ERBB4: variants seen among roughly 807,000 people sequenced by gnomAD.
The protein encoded by ERBB4 is erb-b2 receptor tyrosine kinase 4, also known as receptor tyrosine-protein kinase erbB-4.
Under a neutral mutation model 158.0 loss-of-function variants are expected in ERBB4, and 42 were observed. The ratio of observed to expected loss-of-function variants is 0.27; its 90% confidence interval spans 0.21 to 0.34. The LOEUF is 0.34. Ranked by LOEUF, ERBB4 falls within the 10% of genes least tolerant of loss-of-function variation. The pLI is 1.00. For missense variants in ERBB4, 1,333 were observed against 1,624.1 expected, an observed-to-expected ratio of 0.82 and a Z score of 3.08; for synonymous variants, 583 against 558.7, an observed-to-expected ratio of 1.04 and a Z score of -0.61.
At chr2:211,968,665 A>G (rs572694943) in intron 2 of ERBB4, among the ~76,000 whole-genome samples, 1 of 152,048 alleles carries the variant, frequency 6.6e-6, no homozygotes, top group African/African-American at 2.4e-5. Context: ...GGATAAAGTC[A>G]TAAAGTCATA....
intron 3 of ERBB4, among the ~76,000 whole-genome samples, chr2:211,939,656 T>C (rs377197308): frequency 1.3e-5 from 2 of 152,082 alleles, no homozygotes; most frequent in African/African-American, 2.4e-5. Context: ...CTCTAAAATA[T>C]AGATTTGGTG....
At chr2:211,657,460 G>A (rs2071259456) in intron 16 of ERBB4, 2 of 377,486 alleles carry the variant, frequency 5.3e-6, no homozygotes, top group African/African-American at 2.1e-5. Flanking sequence ...AGTGAGCCAA[G>A]ATCATGCCAT....
chr2:212,012,240 C>T (rs1232036009), intron 2 of ERBB4, among the ~76,000 whole-genome samples: 1 of 152,112 alleles, frequency 6.6e-6, no homozygotes, highest in Non-Finnish European at 1.5e-5. Context: ...ATATTTTAGG[C>T]TCATCCTGTA....
chr2:212,437,438 G>A (rs1209912189), intron 1 of ERBB4, among the ~76,000 whole-genome samples: 1 of 149,572 alleles, frequency 6.7e-6, no homozygotes, highest in Non-Finnish European at 1.5e-5. Flanking sequence ...CTCCTTTCCT[G>A]TACAGGAAGT....
At chr2:212,472,327 A>G (rs1484358306) in intron 1 of ERBB4, among the ~76,000 whole-genome samples, 1 of 151,854 alleles carries the variant, frequency 6.6e-6, no homozygotes, top group Non-Finnish European at 1.5e-5. Flanking sequence ...TCCATTTACA[A>G]TTAGGGAAAT....
chr2:212,085,117 A>T (rs1159114808), intron 2 of ERBB4, among the ~76,000 whole-genome samples: 1 of 151,904 alleles, frequency 6.6e-6, no homozygotes, highest in African/African-American at 2.4e-5. Context: ...TAGTTACTTT[A>T]ACTGTTCTTT....
At position 211,852,486 on chromosome 2, in the gene ERBB4, A is replaced by G. The variant is rs138468196; in HGVS notation, c.422-64327T>C. On this transcript the variant is annotated intron_variant, in intron 3 of 27. Coordinates refer to ENST00000342788, the MANE Select transcript of ERBB4 (RefSeq NM_005235.3). The stretch of plus-strand genomic sequence containing the variant: ...AGTAGGTCCTTATGCAGTATCATCA[A>G]TTGGTTCTTGGAAACTGTGACTTTT... Among the ~76,000 whole-genome samples, 104 of 151,974 alleles carry G rather than the reference A, an allele frequency of 6.8e-4. 2 individuals are homozygous for G. Among genetic ancestry groups the G allele is most frequent in the African/African-American group, 2.4e-3 (99 of 41,512 alleles).
rs2062582342 is a variant in ERBB4 at position 211,382,071 on chromosome 2, GATA to G, written c.*1541_*1543del. ...AAAGTATCAAAAGATTAGTGTGTTG[GATA>G]ATAAAATAATTGCATGAGAAGATGT... On this transcript the variant is annotated 3_prime_UTR_variant, in exon 28 of 28. Transcript: ENST00000342788. 4.4e-6 allele frequency: 1 copy of G among 229,404 alleles called. No individual in the cohort carries two copies. The highest frequency in any genetic ancestry group is 1.8e-4 in the South Asian group (1 of 5,502). The allele number at this position is 229,404 out of a possible 1,614,324, so 14.2% of individuals were successfully genotyped here. A position where few individuals can be genotyped will look rare whatever the true frequency, so the allele number is the denominator to read the frequency against.
At chr2:211,601,507 C>T (rs1359936532) in intron 19 of ERBB4, among the ~76,000 whole-genome samples, 1 of 151,842 alleles carries the variant, frequency 6.6e-6, no homozygotes, top group Non-Finnish European at 1.5e-5. Flanking sequence ...AAAAAAAGCC[C>T]CAACTTTCAT....
chr2:212,327,718 T>C (rs1312491591), intron 1 of ERBB4, among the ~76,000 whole-genome samples: 1 of 47,010 alleles, frequency 2.1e-5, no homozygotes, highest in Admixed American at 2.1e-4. Context: ...TCTTTTTTTT[T>C]TCTTTTTTTC....
chr2:211,486,234 C>T (rs1404465070), intron 20 of ERBB4, among the ~76,000 whole-genome samples: 1 of 152,052 alleles, frequency 6.6e-6, no homozygotes, highest in Non-Finnish European at 1.5e-5. Flanking sequence ...TCTTAATTAA[C>T]ACTGCTTGCT....
At chr2:211,456,667 C>A (rs968634793) in intron 20 of ERBB4, among the ~76,000 whole-genome samples, 1 of 152,012 alleles carries the variant, frequency 6.6e-6, no homozygotes, top group Non-Finnish European at 1.5e-5. Context: ...TCGTGGAAGA[C>A]AATTTTTCCA....
At chr2:212,113,645 G>A (rs1419142613) in intron 2 of ERBB4, among the ~76,000 whole-genome samples, 2 of 150,834 alleles carry the variant, frequency 1.3e-5, no homozygotes, top group East Asian at 1.9e-4. Flanking sequence ...GGATTCTCAG[G>A]TATTCGAGGC....
rs762068170 is a variant in ERBB4, at chr2:211,623,905, C to A, written c.2202+17G>T. ...AAAACAAAACTTAACTAACGATATG[C>A]GTTGTTTTTTACTTACTTTATAAAC... is the stretch of plus-strand genomic sequence containing the variant. On this transcript the variant is annotated intron_variant, in intron 18 of 27. Transcript: ENST00000342788. 1.9e-6 allele frequency: 3 copies of A among 1,613,100 alleles called. No homozygotes were observed. The highest frequency in any genetic ancestry group is 2.5e-6 in the Non-Finnish European group (3 of 1,179,254).
intron 2 of ERBB4, among the ~76,000 whole-genome samples, chr2:212,091,224 G>C (rs2078764866): frequency 6.6e-6 from 1 of 151,360 alleles, no homozygotes; most frequent in African/African-American, 2.4e-5. Flanking sequence ...AGTACAGAAA[G>C]ATATATTAAG....
At chr2:211,941,149 T>C (rs143819449) in intron 3 of ERBB4, among the ~76,000 whole-genome samples, 5,101 of 152,180 alleles carry the variant, frequency 0.034, 120 homozygotes, top group Middle Eastern at 0.088. Flanking sequence ...CCGAAGAATG[T>C]GCCACTCTTT....
intron 1 of ERBB4, among the ~76,000 whole-genome samples, chr2:212,206,750 C>G (rs896488963): frequency 1.3e-5 from 2 of 151,784 alleles, no homozygotes; most frequent in African/African-American, 4.8e-5. Flanking sequence ...CTGCGCCCAG[C>G]TAATTTTTTT....
intron 3 of ERBB4, among the ~76,000 whole-genome samples, chr2:211,937,950 G>A (rs1224648645): frequency 6.6e-6 from 1 of 152,086 alleles, no homozygotes; most frequent in Non-Finnish European, 1.5e-5. Flanking sequence ...TCATTTATCT[G>A]ACCAACAGAA....
At chr2:211,825,281 G>A (rs983211651) in intron 3 of ERBB4, among the ~76,000 whole-genome samples, 7 of 151,470 alleles carry the variant, frequency 4.6e-5, no homozygotes, top group East Asian at 1.9e-4. Flanking sequence ...GAACATATAC[G>A]TATTTCCAAA....
Sources: gnomAD v4.1 joint callset for allele counts (sites outside exome capture counted in the v4.1 genomes callset) on GRCh38, gnomAD v4.1.1 for gene constraint, MANE v1.5 for transcripts, NCBI Gene and HGNC (gene_info 2026-07-23, HGNC 2026-07-21) for gene names.